The following RANBP2 variants were observed in gnomAD, a reference collection of about 807,000 sequenced individuals.
The protein encoded by RANBP2 is E3 SUMO-protein ligase RanBP2.
Under a neutral mutation model 303.6 loss-of-function variants are expected in RANBP2, and 57 were observed. The observed-to-expected ratio is 0.19, with a 90% CI of 0.15 to 0.23. RANBP2 has a LOEUF of 0.23. RANBP2 is among the 10% of genes least tolerant of loss of function. The pLI is 1.00. For synonymous variants in RANBP2, 1,167 were observed against 1,301.5 expected (o/e 0.90, Z 2.23); for missense variants, 3,138 against 3,780.8 (o/e 0.83, Z 4.46).
At chr2:109,129,428 G>C in the RANBP2 span, 1 of 1,481,692 alleles carries the variant, frequency 6.7e-7, no homozygotes, top group South Asian at 1.2e-5. Context: ...CCGGGGTGAA[G>C]AAAGTCACGG....
the RANBP2 span, among the ~76,000 whole-genome samples, chr2:109,201,935 A>T: frequency 6.6e-6 from 1 of 152,214 alleles, no homozygotes; most frequent in African/African-American, 2.4e-5. Flanking sequence ...GTGGCATCAT[A>T]AAAAAACTGG....
the RANBP2 span, among the ~76,000 whole-genome samples, chr2:108,850,385 A>G: frequency 2.6e-5 from 4 of 152,172 alleles, no homozygotes; most frequent in Admixed American, 2.0e-4. Context: ...GATAATACCT[A>G]GTTATATTGA....
At chr2:109,568,122 G>C in the RANBP2 span, 1 of 624,084 alleles carries the variant, frequency 1.6e-6, no homozygotes, top group African/African-American at 1.8e-5. Flanking sequence ...CCATCTCGCT[G>C]TTGATCTTGA....
chr2:109,432,052 G>C, the RANBP2 span, among the ~76,000 whole-genome samples: 1 of 152,152 alleles, frequency 6.6e-6, no homozygotes, highest in African/African-American at 2.4e-5. Flanking sequence ...GGAAAACCCA[G>C]CCCAAGAATA....
chr2:108,771,881 T>C lies in RANBP2; in HGVS notation c.8020+10T>C, dbSNP rs374753445. 50 of 1,613,758 alleles carry C rather than the reference T, an allele frequency of 3.1e-5. No homozygotes were observed. In the African/African-American group the frequency reaches 3.6e-4, roughly 12 times the overall value. ...GAAGAAGAGGAGGATGGTAAAACTT[T>C]TGTTATTTCAAAAATCCTCTGTTCC... On this transcript the variant is annotated intron_variant, in intron 21 of 28. Coordinates refer to ENST00000283195, the MANE Select transcript of RANBP2 (RefSeq NM_006267.5).
the RANBP2 span, among the ~76,000 whole-genome samples, chr2:109,277,482 C>T: frequency 4.3e-3 from 650 of 152,324 alleles, 10 homozygotes; most frequent in African/African-American, 0.015. Context: ...TCTGCTAGGA[C>T]ATTGGGCAGC....
chr2:108,821,212 G>A, the RANBP2 span, among the ~76,000 whole-genome samples: 1 of 152,030 alleles, frequency 6.6e-6, no homozygotes, highest in Admixed American at 6.6e-5. Context: ...ATAAAAATTA[G>A]CCAGGCATGG....
At chr2:109,378,398 T>C in the RANBP2 span, among the ~76,000 whole-genome samples, 3 of 152,214 alleles carry the variant, frequency 2.0e-5, no homozygotes, top group Non-Finnish European at 4.4e-5. Flanking sequence ...GTTGACTTTA[T>C]GCACCCCCAC....
chr2:109,598,735 C>A, the RANBP2 span, among the ~76,000 whole-genome samples: 1 of 151,790 alleles, frequency 6.6e-6, no homozygotes, highest in Admixed American at 6.6e-5. Flanking sequence ...CCCAGCTACT[C>A]AGGAGGCTAG....
chr2:108,859,149 A>G, the RANBP2 span, among the ~76,000 whole-genome samples: 1 of 152,146 alleles, frequency 6.6e-6, no homozygotes, highest in Admixed American at 6.5e-5. Flanking sequence ...TTCAAAGATG[A>G]TTAGTGATGT....
the RANBP2 span, among the ~76,000 whole-genome samples, chr2:109,411,012 G>C: frequency 6.6e-6 from 1 of 152,186 alleles, no homozygotes; most frequent in South Asian, 2.1e-4. Flanking sequence ...TTAAGGCCTA[G>C]AATCATTTAA....
chr2:109,047,796 G>A, the RANBP2 span, among the ~76,000 whole-genome samples: 482 of 152,328 alleles, frequency 3.2e-3, 4 homozygotes, highest in African/African-American at 0.011. Context: ...GCAACAGAGC[G>A]AGACTCCATC....
the RANBP2 span, among the ~76,000 whole-genome samples, chr2:109,501,184 T>A: frequency 6.6e-6 from 1 of 151,764 alleles, no homozygotes; most frequent in Non-Finnish European, 1.5e-5. Flanking sequence ...TCTAGGTGGG[T>A]GGGCCAGGGC....
At chr2:109,578,818 A>G in the RANBP2 span, among the ~76,000 whole-genome samples, 2 of 152,180 alleles carry the variant, frequency 1.3e-5, no homozygotes, top group African/African-American at 4.8e-5. Flanking sequence ...CTATGTATCA[A>G]ACTTGTGGAA....
At chr2:109,272,035 T>C in the RANBP2 span, among the ~76,000 whole-genome samples, 1 of 152,170 alleles carries the variant, frequency 6.6e-6, no homozygotes, top group African/African-American at 2.4e-5. Context: ...CTGAGTGACA[T>C]TGGGGTGCTG....
At chr2:108,828,575 G>A in the RANBP2 span, among the ~76,000 whole-genome samples, 7 of 152,202 alleles carry the variant, frequency 4.6e-5, no homozygotes, top group South Asian at 2.1e-4. Context: ...TTTGACAAGC[G>A]TACGGAGACC....
chr2:108,809,223 G>A, the RANBP2 span, among the ~76,000 whole-genome samples: 1 of 152,104 alleles, frequency 6.6e-6, no homozygotes, highest in East Asian at 1.9e-4. Flanking sequence ...CTACAGTTTT[G>A]TAGTATATTT....
chr2:109,774,559 A>G, the RANBP2 span, among the ~76,000 whole-genome samples: 2 of 76,844 alleles, frequency 2.6e-5, no homozygotes, highest in Non-Finnish European at 4.4e-5. Context: ...TAATATATAT[A>G]TGTATGTAAA....
At chr2:109,278,894 A>G in the RANBP2 span, among the ~76,000 whole-genome samples, 3 of 152,136 alleles carry the variant, frequency 2.0e-5, no homozygotes, top group African/African-American at 7.2e-5. Flanking sequence ...GGTGGGGATG[A>G]GTGTTTGCTG....
Sources: gnomAD v4.1 joint callset for allele counts (sites outside exome capture counted in the v4.1 genomes callset) on GRCh38, gnomAD v4.1.1 for gene constraint, MANE v1.5 for transcripts, NCBI Gene and HGNC (gene_info 2026-07-23, HGNC 2026-07-21) for gene names.